Variants in LEKR1 observed in about 807,000 individuals in gnomAD.
The protein encoded by LEKR1 is leucine, glutamate and lysine rich 1.
LEKR1 carries 59 observed loss-of-function variants against 72.4 expected under a neutral mutation model. The ratio of observed to expected loss-of-function variants is 0.82; its 90% CI spans 0.66 to 1.01. The LOEUF (loss-of-function observed/expected upper bound fraction) is 1.01, where lower values mean the gene tolerates loss of function less well. Ranked by LOEUF, LEKR1 falls within the 50% of genes least tolerant of loss-of-function variation. The pLI is 0.00. For missense variants in LEKR1, 728 were observed against 759.2 expected, an observed-to-expected ratio of 0.96 and a Z score of 0.48; for synonymous variants, 257 against 263.2, an observed-to-expected ratio of 0.98 and a Z score of 0.23.
At chr3:156,888,355 C>T (rs1386029327) in intron 3 of LEKR1, 8 of 702,092 alleles carry the variant, frequency 1.1e-5, no homozygotes, top group Middle Eastern at 2.3e-4. Context: ...GCTGAAAGAA[C>T]GAATGCCAGA....
intron 7 of LEKR1, among the ~76,000 whole-genome samples, chr3:156,983,891 A>G (rs1300634327): frequency 6.6e-6 from 1 of 152,132 alleles, no homozygotes; most frequent in African/African-American, 2.4e-5. Context: ...ATTCAACACA[A>G]CCAAAGATTA....
chr3:157,045,243 T>C, intron 12 of LEKR1, 97 bp from the exon 13 acceptor site: 2 of 994,204 alleles, frequency 2.0e-6, no homozygotes, highest in Non-Finnish European at 3.0e-6. Context: ...AGACCTCTGA[T>C]TTCCAGTTCT....
chr3:157,003,868 T>C (rs1473102008), intron 9 of LEKR1, among the ~76,000 whole-genome samples: 2 of 151,398 alleles, frequency 1.3e-5, no homozygotes, highest in African/African-American at 4.9e-5. Context: ...ACAAAAGAGA[T>C]AAAATTGAAT....
chr3:156,889,750 C>G (rs919880288), intron 3 of LEKR1, among the ~76,000 whole-genome samples: 1 of 152,104 alleles, frequency 6.6e-6, no homozygotes, highest in Non-Finnish European at 1.5e-5. Context: ...ATGTCATTCC[C>G]CACTCCTCAA....
chr3:156,829,777 A>C (rs1282093662), intron 2 of LEKR1, among the ~76,000 whole-genome samples: 1 of 152,226 alleles, frequency 6.6e-6, no homozygotes, highest in East Asian at 1.9e-4. Flanking sequence ...TGACCCTTGA[A>C]CAACATGGAA....
intron 7 of LEKR1, among the ~76,000 whole-genome samples, chr3:156,982,855 G>GA (rs1553820692): frequency 4.7e-4 from 66 of 140,100 alleles, no homozygotes; most frequent in African/African-American, 1.9e-3. Context: ...GTGTGTGTGT[G>GA]TAGATAGATA....
chr3:156,922,368 T>A (rs1724280010), intron 4 of LEKR1, among the ~76,000 whole-genome samples: 1 of 151,704 alleles, frequency 6.6e-6, no homozygotes, highest in Non-Finnish European at 1.5e-5. Flanking sequence ...GAGCTTATAA[T>A]CTTCTGTCTT....
intron 3 of LEKR1, among the ~76,000 whole-genome samples, chr3:156,873,197 T>TGACTTAAA (rs1287530448): frequency 6.6e-6 from 1 of 152,084 alleles, no homozygotes; most frequent in Non-Finnish European, 1.5e-5. Flanking sequence ...TTACTGTTTT[T>TGACTTAAA]GACTTAAAGT....
chr3:156,949,536 C>G (rs1314108014), intron 6 of LEKR1, among the ~76,000 whole-genome samples: 1 of 151,322 alleles, frequency 6.6e-6, no homozygotes, highest in Non-Finnish European at 1.5e-5. Flanking sequence ...GTTTTCGTAC[C>G]AGTACCATGC....
At chr3:156,885,868 C>T (rs1720009738) in intron 3 of LEKR1, among the ~76,000 whole-genome samples, 1 of 152,186 alleles carries the variant, frequency 6.6e-6, no homozygotes. Context: ...TTGTGAGTTT[C>T]TGTAATGGCT....
At chr3:157,008,809 G>A (rs560725504) in intron 9 of LEKR1, among the ~76,000 whole-genome samples, 30 of 151,880 alleles carry the variant, frequency 2.0e-4, no homozygotes, top group Non-Finnish European at 3.8e-4. Context: ...TTTGTTCTTT[G>A]TGCTCAATAT....
At chr3:157,015,986 T>G (rs1438225369) in intron 10 of LEKR1, among the ~76,000 whole-genome samples, 1 of 151,936 alleles carries the variant, frequency 6.6e-6, no homozygotes, top group Non-Finnish European at 1.5e-5. Context: ...TTAGTGAACT[T>G]GAAGACACAG....
At chr3:156,930,738 A>C (rs1328140638) in intron 5 of LEKR1, among the ~76,000 whole-genome samples, 5 of 152,120 alleles carry the variant, frequency 3.3e-5, no homozygotes, top group African/African-American at 1.2e-4. Context: ...TGAATAGAAC[A>C]AGATAGCCTG....
chr3:156,945,193 C>T (rs769902887), intron 6 of LEKR1, among the ~76,000 whole-genome samples: 1 of 151,710 alleles, frequency 6.6e-6, no homozygotes, highest in Non-Finnish European at 1.5e-5. Context: ...TTTCCATATA[C>T]CTGTTTGCCA....
At chr3:156,895,577 C>T (rs1721093461) in intron 3 of LEKR1, among the ~76,000 whole-genome samples, 2 of 151,998 alleles carry the variant, frequency 1.3e-5, no homozygotes, top group African/African-American at 4.8e-5. Flanking sequence ...CACCACTGCA[C>T]TCCAGCCTGG....
At chr3:156,972,040 A>G (rs918378471) in intron 6 of LEKR1, among the ~76,000 whole-genome samples, 1 of 152,184 alleles carries the variant, frequency 6.6e-6, no homozygotes, top group Admixed American at 6.5e-5. Context: ...ATACATGCAC[A>G]TGTATGTTTA....
At chr3:157,004,962 A>G (rs1487528573) in intron 9 of LEKR1, among the ~76,000 whole-genome samples, 1 of 152,066 alleles carries the variant, frequency 6.6e-6, no homozygotes, top group Non-Finnish European at 1.5e-5. Context: ...ATCAATGGAA[A>G]ACAGAAAAAC....
chr3:157,045,336 T>C lies in LEKR1; in HGVS notation c.1669-4T>C. On this transcript the variant is annotated splice_region_variant and splice_polypyrimidine_tract_variant and intron_variant, in intron 12 of 12. Transcript: ENST00000356539. ...CTGCTTTCTTTTCCCCTCTCTCTTT[T>C]CAGAATACTTTTCTTCAGGAGACAG... 1 of 1,603,028 alleles carries C rather than the reference T, an allele frequency of 6.2e-7. No homozygotes were observed. Among genetic ancestry groups the C allele is most frequent in the East Asian group, 2.2e-5 (1 of 44,664 alleles).
At position 156,846,052 on chromosome 3, in the gene LEKR1, G is replaced by A. The variant is rs1714548003; in HGVS notation, c.49-6716G>A. 2.0e-5 allele frequency among the ~76,000 whole-genome samples: 3 copies of A among 151,982 alleles called. No homozygotes were observed. In the South Asian group the frequency reaches 6.2e-4, roughly 31 times the overall value. On this transcript the variant is annotated intron_variant, in intron 2 of 12. Transcript: ENST00000356539. ...CATATTTTGTTATATCTACACCTGA[G>A]TATTTAATTTTTTGGAGCAGTTGTA...
Sources: allele counts gnomAD v4.1 joint callset (sites outside exome capture counted in the v4.1 genomes callset), GRCh38; gene constraint gnomAD v4.1.1; transcripts MANE v1.5; gene names NCBI Gene and HGNC (gene_info 2026-07-23, HGNC 2026-07-21).